The following CRAMP1 variants were observed in gnomAD, a reference collection of about 807,000 sequenced individuals.
CRAMP1 encodes the protein protein cramped-like.
A neutral mutation model predicts 115.4 loss-of-function variants in CRAMP1; 50 were observed. That is an observed-to-expected ratio of 0.43 (90% CI 0.35 to 0.55). The LOEUF (loss-of-function observed/expected upper bound fraction) is 0.55. Ranked by LOEUF, CRAMP1 falls within the 20% of genes least tolerant of loss-of-function variation. The probability of loss-of-function intolerance (pLI) is 0.01; values close to 1 mark genes in which losing one functional copy is unlikely to be tolerated. For missense variants in CRAMP1, 1,679 were observed against 1,721.7 expected, an observed-to-expected ratio of 0.98 and a Z score of 0.44; for synonymous variants, 866 against 745.4, an observed-to-expected ratio of 1.16 and a Z score of -2.64.
At chr16:1,650,810 A>T (rs2036716159) in intron 6 of CRAMP1, among the ~76,000 whole-genome samples, 1 of 152,250 alleles carries the variant, frequency 6.6e-6, no homozygotes, top group South Asian at 2.1e-4. Context: ...AAATTGGTTA[A>T]GGCAGAAAGC....
chr16:1,663,394 GA>G (rs2142204597), intron 13 of CRAMP1, among the ~76,000 whole-genome samples: 1 of 152,266 alleles, frequency 6.6e-6, no homozygotes, highest in African/African-American at 2.4e-5. Flanking sequence ...CCTTTTGTTA[GA>G]CTCTTAGAAA....
intron 4 of CRAMP1, among the ~76,000 whole-genome samples, chr16:1,634,911 T>G (rs529596038): frequency 6.6e-4 from 101 of 152,258 alleles, no homozygotes; most frequent in African/African-American, 2.3e-3. Context: ...TTTTGTTTTG[T>G]TTTTTGAGCC....
intron 2 of CRAMP1, among the ~76,000 whole-genome samples, chr16:1,617,080 C>G (rs1325010432): frequency 6.6e-6 from 1 of 152,016 alleles, no homozygotes; most frequent in Non-Finnish European, 1.5e-5. Flanking sequence ...CGCCTCAGCC[C>G]CCCAAAGTGC....
chr16:1,655,080 A>C, intron 8 of CRAMP1, 139 bp from the exon 9 acceptor site: 1 of 683,404 alleles, frequency 1.5e-6, no homozygotes, highest in South Asian at 1.7e-5. Context: ...AGGGCCCTGC[A>C]GACGCCCGCT....
chr16:1,653,084 C>G lies in CRAMP1; in HGVS notation c.965C>G (p.Pro322Arg). 3.7e-6 allele frequency: 6 copies of G among 1,613,208 alleles called. No homozygotes were observed. In the African/African-American group the frequency reaches 4.0e-5, roughly 11 times the overall value. The stretch of plus-strand genomic sequence containing the variant: ...CCAGTGCGCCTGCCTCTGAAAGTCC[C>G]TATAGAGCTACAGCCGCGGAACAAC... ...QKPVRLPLKV[P>R]IELQPRNNHA... The change falls in exon 8 of 21, where the codon CCT (proline) becomes CGT (arginine). Residue 322 changes from proline to arginine, a missense_variant. By Grantham distance (103) the Pro-to-Arg change is moderately radical (BLOSUM62 -2). Coordinates refer to ENST00000397412, the MANE Select transcript of CRAMP1 (RefSeq NM_020825.4).
chr16:1,653,026 A>C lies in CRAMP1; in HGVS notation c.914-7A>C. The C allele has an allele frequency of 6.2e-7, 1 of 1,613,504 alleles. No individual in the cohort carries two copies. Among genetic ancestry groups the C allele is most frequent in the Non-Finnish European group, 8.5e-7 (1 of 1,179,726 alleles). On this transcript the variant is annotated splice_region_variant and splice_polypyrimidine_tract_variant and intron_variant, in intron 7 of 20. Transcript: ENST00000397412. ...CACTAAACTTTCATGGTTCTTCTGC[A>C]TTGCAGGCTTGAGTGATGAAGAGGA... is the stretch of plus-strand genomic sequence containing the variant.
chr16:1,655,184 C>G lies in CRAMP1; in HGVS notation c.1038-35C>G, dbSNP rs758739198. The G allele has an allele frequency of 1.2e-5, 19 of 1,566,360 alleles. No individual in the cohort carries two copies. In the South Asian group the frequency reaches 2.1e-4, roughly 17 times the overall value. On this transcript the variant is annotated intron_variant, in intron 8 of 20. Coordinates refer to ENST00000397412, the MANE Select transcript of CRAMP1 (RefSeq NM_020825.4). ...TTCAGATGGTTTCCTTCCTGTTCTGCGAACCTCACTTCCTCCTGTCTGTCG... is the reference window on the plus strand; with the variant it reads ...TTCAGATGGTTTCCTTCCTGTTCTGGGAACCTCACTTCCTCCTGTCTGTCG...
At chr16:1,641,312 AC>A (rs1235480175) in intron 6 of CRAMP1, 125 bp downstream of exon 6, 1 of 725,802 alleles carries the variant, frequency 1.4e-6, no homozygotes, top group East Asian at 2.6e-5. Flanking sequence ...CCTCTCAGTT[AC>A]GTGTTCAGTC....
At chr16:1,670,457 G>A (rs534716835) in intron 19 of CRAMP1, 117 of 584,212 alleles carry the variant, frequency 2.0e-4, no homozygotes, top group African/African-American at 1.8e-3. Context: ...AAAACAAGGT[G>A]CATGTCTGTA....
chr16:1,631,366 C>T (rs1351647412), intron 3 of CRAMP1, among the ~76,000 whole-genome samples: 1 of 152,248 alleles, frequency 6.6e-6, no homozygotes, highest in African/African-American at 2.4e-5. Flanking sequence ...TCTCACGTCC[C>T]CATCGCCTGC....
intron 2 of CRAMP1, among the ~76,000 whole-genome samples, chr16:1,617,296 A>G (rs11248885): frequency 0.16 from 23,887 of 152,138 alleles, 2,687 homozygotes; most frequent in African/African-American, 0.29. Context: ...CAGGTTCCTC[A>G]GTGCTTTGGG....
In CRAMP1 at chr16:1,655,208, C is replaced by T. The variant is rs1412575291; in HGVS notation, c.1038-11C>T. 17 of 1,611,206 alleles carry T rather than the reference C, an allele frequency of 1.1e-5. No individual in the cohort carries two copies. The highest frequency in any genetic ancestry group is 3.3e-5 in the Admixed American group (2 of 60,006). ...GCGAACCTCACTTCCTCCTGTCTGT[C>T]GTCTCCGTAGGATGATCGTGGAGCT... On this transcript the variant is annotated splice_polypyrimidine_tract_variant and intron_variant, in intron 8 of 20. Coordinates refer to ENST00000397412, the MANE Select transcript of CRAMP1 (RefSeq NM_020825.4).
At chr16:1,618,352 T>A (rs2036438697) in intron 2 of CRAMP1, among the ~76,000 whole-genome samples, 2 of 152,166 alleles carry the variant, frequency 1.3e-5, no homozygotes, top group Non-Finnish European at 2.9e-5. Flanking sequence ...GCACCTGGTG[T>A]TTCTGCCATG....
chr16:1,653,631 C>T (rs1167957293), intron 8 of CRAMP1, among the ~76,000 whole-genome samples: 1 of 151,274 alleles, frequency 6.6e-6, no homozygotes, highest in East Asian at 1.9e-4. Flanking sequence ...AGATCGAGAC[C>T]TTTCTGGCTA....
intron 6 of CRAMP1, among the ~76,000 whole-genome samples, chr16:1,648,824 C>T (rs557157448): frequency 3.9e-5 from 6 of 152,180 alleles, no homozygotes; most frequent in South Asian, 4.1e-4. Context: ...TTTGGGAGGC[C>T]GAGGCGGGCG....
At chr16:1,635,840 C>T (rs2036584601) in intron 4 of CRAMP1, among the ~76,000 whole-genome samples, 1 of 152,216 alleles carries the variant, frequency 6.6e-6, no homozygotes, top group South Asian at 2.1e-4. Flanking sequence ...CAGTTTACTA[C>T]CTCCTGTCTC....
rs776827607 is a variant in CRAMP1, at chr16:1,671,372, G to A, written c.3645+563G>A. ...CAGGTTCTTGAGGGGAAGGCGAAAC[G>A]TGGTTTGTGACTCTCCACTTTTGAC... is the stretch of plus-strand genomic sequence containing the variant. On this transcript the variant is annotated intron_variant, in intron 20 of 20. Transcript: ENST00000397412. This position sits in a 1 kb window ranked among gnomAD's most constrained non-coding sequence, Gnocchi z 5.0. 1.1e-4 allele frequency among the ~76,000 whole-genome samples: 16 copies of A among 152,224 alleles called. No individual in the cohort carries two copies. The highest frequency in any genetic ancestry group is 2.1e-4 in the Non-Finnish European group (14 of 68,038).
At position 1,669,550 on chromosome 16, in the gene CRAMP1, CT is replaced by C. The variant is rs1447384848; in HGVS notation, c.3499+387del. ...CTGGTGTCTTGGCACTCTCTTGGCTCTTCTCTTTCTGTGGTCAGTAAGGTAT... is the reference window on the plus strand; with the variant it reads ...CTGGTGTCTTGGCACTCTCTTGGCTCTCTCTTTCTGTGGTCAGTAAGGTAT... On this transcript the variant is annotated intron_variant, in intron 19 of 20. Transcript: ENST00000397412. This position sits in a 1 kb window ranked among gnomAD's most constrained non-coding sequence, Gnocchi z 4.6. 1.3e-5 allele frequency among the ~76,000 whole-genome samples: 2 copies of C among 152,196 alleles called. No individual in the cohort carries two copies. Among genetic ancestry groups the C allele is most frequent in the African/African-American group, 4.8e-5 (2 of 41,448 alleles).
chr16:1,617,927 G>A (rs566771483), intron 2 of CRAMP1, among the ~76,000 whole-genome samples: 2 of 152,354 alleles, frequency 1.3e-5, no homozygotes, highest in Non-Finnish European at 2.9e-5. Flanking sequence ...AGAACCTGAA[G>A]TAGATTGTTT....
Sources: allele counts gnomAD v4.1 joint callset (sites outside exome capture counted in the v4.1 genomes callset), GRCh38; gene constraint gnomAD v4.1.1; non-coding constraint Gnocchi (gnomAD v3.1); transcripts MANE v1.5; gene names NCBI Gene and HGNC (gene_info 2026-07-23, HGNC 2026-07-21).